The following SPTLC1 variants were observed in gnomAD, a reference collection of about 807,000 sequenced individuals.
The protein encoded by SPTLC1 is serine palmitoyltransferase long chain base subunit 1, also known as serine palmitoyltransferase 1.
A neutral mutation model predicts 68.9 loss-of-function variants in SPTLC1; 55 were observed. The observed-to-expected ratio is 0.80, with a 90% CI of 0.64 to 1.00. The LOEUF (loss-of-function observed/expected upper bound fraction) is 1.00, where lower values mean the gene tolerates loss of function less well. Ranked by LOEUF, SPTLC1 falls within the 50% of genes least tolerant of loss-of-function variation. SPTLC1 has a pLI of 0.00. For missense variants in SPTLC1, 449 were observed against 573.1 expected, an observed-to-expected ratio of 0.78 and a Z score of 2.21; for synonymous variants, 197 against 201.6, an observed-to-expected ratio of 0.98 and a Z score of 0.19.
intron 7 of SPTLC1, among the ~76,000 whole-genome samples, chr9:92,056,917 G>A (rs1833912346): frequency 6.6e-6 from 1 of 152,174 alleles, no homozygotes; most frequent in Non-Finnish European, 1.5e-5. Flanking sequence ...TGGATGAAGA[G>A]ATGCCACCCT....
At chr9:92,059,337 G>T (rs766790114) in intron 6 of SPTLC1, 29 bp from the exon 7 acceptor site, 2 of 1,612,428 alleles carry the variant, frequency 1.2e-6, no homozygotes, top group Non-Finnish European at 8.5e-7. Context: ...CACCAAATTG[G>T]GTTTAAAGGG....
chr9:92,032,701 C>A, intron 14 of SPTLC1, 143 bp from the exon 15 acceptor site: 3 of 1,114,472 alleles, frequency 2.7e-6, no homozygotes, highest in Non-Finnish European at 3.9e-6. Context: ...ACAGTGAAAC[C>A]CCATCTCTGC....
At position 92,032,268 on chromosome 9, in the gene SPTLC1, T is replaced by C. The variant is rs1212996296; in HGVS notation, c.*197A>G. 9.8e-6 allele frequency: 15 copies of C among 1,530,640 alleles called. No homozygotes were observed. The highest frequency in any genetic ancestry group is 1.3e-5 in the Non-Finnish European group (15 of 1,144,348). 94.8% of individuals were successfully genotyped at this position (1,530,640 alleles called of 1,614,324 possible). A position where few individuals can be genotyped will look rare whatever the true frequency, so the allele number is the denominator to read the frequency against. ...CTTAAAAAAATCAGTTCCTGGGCTT[T>C]TAGATGTGTTTTCTTTTTAAAAAAA... On this transcript the variant is annotated 3_prime_UTR_variant, in exon 15 of 15. Coordinates refer to ENST00000262554, the MANE Select transcript of SPTLC1 (RefSeq NM_006415.4).
chr9:92,082,689 C>A (rs1047894054), intron 3 of SPTLC1, among the ~76,000 whole-genome samples: 1 of 151,882 alleles, frequency 6.6e-6, no homozygotes, highest in African/African-American at 2.4e-5. Flanking sequence ...GAATAGTGCC[C>A]CAATAAACAT....
chr9:92,033,926 A>G (rs75641053), intron 14 of SPTLC1, among the ~76,000 whole-genome samples: 3,125 of 152,272 alleles, frequency 0.021, 56 homozygotes, highest in Middle Eastern at 0.11. Flanking sequence ...GTGGGCCGGC[A>G]GAGCATTCAA....
intron 8 of SPTLC1, 69 bp downstream of exon 8, chr9:92,055,336 G>T: frequency 5.0e-6 from 8 of 1,605,570 alleles, no homozygotes; most frequent in Non-Finnish European, 6.8e-6. Context: ...ACTAAAAGCG[G>T]TCATAAACAA....
intron 7 of SPTLC1, among the ~76,000 whole-genome samples, chr9:92,057,187 T>A (rs1833923102): frequency 6.6e-6 from 1 of 152,222 alleles, no homozygotes. Context: ...CTAAATTATT[T>A]CGGATTACAT....
Position 92,112,466 on chromosome 9 carries a change from G to A in SPTLC1, c.154C>T (p.Leu52Phe), listed in dbSNP as rs758492702. Residue 52 changes from leucine to phenylalanine, a missense_variant, in exon 2 of 15, where the codon CTT becomes TTT. Leu to Phe is a conservative substitution (Grantham distance 22, BLOSUM62 0). Around this residue, in one of 3 missense-constraint regions of SPTLC1, gnomAD observed 12 missense variants for 43.2 expected, o/e 0.28. Transcript: ENST00000262554. ...KTYKLQERSD[L>F]TVKEKEELIE... is the part of the protein sequence containing the mutation. ...ATTTAATTTCGTACCTTGACTGTAA[G>A]ATCAGATCGTTCTTGTAATTTGTAA... is the stretch of plus-strand genomic sequence containing the variant. 1.9e-6 allele frequency: 3 copies of A among 1,599,658 alleles called. No individual in the cohort carries two copies. The East Asian group carries it at 6.7e-5, about 36-fold the overall frequency.
intron 8 of SPTLC1, among the ~76,000 whole-genome samples, chr9:92,052,089 A>C (rs1002740946): frequency 2.6e-5 from 4 of 152,236 alleles, no homozygotes; most frequent in African/African-American, 9.6e-5. Context: ...GAAATGGAAA[A>C]GCTAATCCTA....
chr9:92,074,702 C>T (rs1834616800), intron 5 of SPTLC1, among the ~76,000 whole-genome samples: 1 of 152,124 alleles, frequency 6.6e-6, no homozygotes, highest in African/African-American at 2.4e-5. Context: ...TTACAACTCT[C>T]CCATCCTACC....
chr9:92,056,605 T>G (rs891530211), intron 7 of SPTLC1, among the ~76,000 whole-genome samples: 1 of 152,194 alleles, frequency 6.6e-6, no homozygotes, highest in African/African-American at 2.4e-5. Context: ...TGTATGAAAC[T>G]GTACATGGTT....
At chr9:92,099,699 C>T (rs996977571) in intron 3 of SPTLC1, among the ~76,000 whole-genome samples, 10 of 152,046 alleles carry the variant, frequency 6.6e-5, no homozygotes, top group Non-Finnish European at 1.5e-4. Context: ...CCAGGCTGGT[C>T]TCAAATTCCT....
At chr9:92,097,583 G>A (rs1835577383) in intron 3 of SPTLC1, among the ~76,000 whole-genome samples, 2 of 152,152 alleles carry the variant, frequency 1.3e-5, no homozygotes, top group Admixed American at 1.3e-4. Flanking sequence ...CAAAGGCTAA[G>A]TATTGTTTAT....
At chr9:92,098,654 G>A (rs542081124) in intron 3 of SPTLC1, among the ~76,000 whole-genome samples, 5 of 151,934 alleles carry the variant, frequency 3.3e-5, no homozygotes, top group Non-Finnish European at 7.4e-5. Context: ...AAAACAATCA[G>A]TACAGTGCAA....
chr9:92,111,059 A>C (rs539571841), intron 2 of SPTLC1: 44 of 152,290 alleles, frequency 2.9e-4, no homozygotes, highest in African/African-American at 1.0e-3. Flanking sequence ...CTTCTAATCC[A>C]AACAGCCTGA....
At chr9:92,064,314 T>C (rs1410254962) in intron 6 of SPTLC1, among the ~76,000 whole-genome samples, 1 of 152,092 alleles carries the variant, frequency 6.6e-6, no homozygotes, top group Non-Finnish European at 1.5e-5. Flanking sequence ...AAACAAATCA[T>C]ACAACTAGAA....
chr9:92,057,010 C>A (rs897261605), intron 7 of SPTLC1, among the ~76,000 whole-genome samples: 4 of 152,168 alleles, frequency 2.6e-5, no homozygotes, highest in Non-Finnish European at 5.9e-5. Flanking sequence ...ATGTAGGATT[C>A]TTGGGAAATG....
At chr9:92,049,693 C>T (rs141587363) in intron 9 of SPTLC1, among the ~76,000 whole-genome samples, 1 of 152,246 alleles carries the variant, frequency 6.6e-6, no homozygotes, top group Admixed American at 6.5e-5. Flanking sequence ...AGAAGAGACA[C>T]TAAAAGTCTA....
chr9:92,085,273 CCTTCTGCTAG>C lies in SPTLC1; in HGVS notation c.261-4320_261-4311del, dbSNP rs1345304348. 1.8e-3 allele frequency among the ~76,000 whole-genome samples: 268 copies of C among 146,434 alleles called. 1 individual carries two copies. The highest frequency in any genetic ancestry group is 2.3e-3 in the Non-Finnish European group (151 of 66,436). On this transcript the variant is annotated intron_variant, in intron 3 of 14. Transcript: ENST00000262554. Reference sequence around the variant, plus strand: ...CTGCTCTGATCTTAGTTATTTCTTGCCTTCTGCTAGCTTTTGAATGTGTTTGCTCTTGCTT... The same window carrying C: ...CTGCTCTGATCTTAGTTATTTCTTGCCTTTTGAATGTGTTTGCTCTTGCTT...
Sources: allele counts gnomAD v4.1 joint callset (sites outside exome capture counted in the v4.1 genomes callset), GRCh38; gene constraint gnomAD v4.1.1; regional missense constraint gnomAD v4.1.1; transcripts MANE v1.5; gene names NCBI Gene and HGNC (gene_info 2026-07-23, HGNC 2026-07-21).